SETBP1: variants seen among roughly 807,000 people sequenced by gnomAD.
SETBP1 encodes SET binding protein 1, also known as SET-binding protein.
Under a neutral mutation model 101.0 loss-of-function variants are expected in SETBP1, and 9 were observed. That is an observed-to-expected ratio of 0.09 (90% CI 0.05 to 0.16). SETBP1 has a LOEUF of 0.16. SETBP1 is among the 10% of genes least tolerant of loss of function. The pLI is 1.00. For synonymous variants in SETBP1, 818 were observed against 788.5 expected (o/e 1.04, Z -0.63); for missense variants, 1,858 against 2,033.8 (o/e 0.91, Z 1.66).
intron 3 of SETBP1, among the ~76,000 whole-genome samples, chr18:44,939,047 G>A (rs1352501224): frequency 1.3e-5 from 2 of 151,748 alleles, no homozygotes; most frequent in Non-Finnish European, 2.9e-5. Flanking sequence ...ATTTTTGAAT[G>A]GATTTCTCAT....
chr18:44,752,041 C>T (rs981769992), intron 2 of SETBP1, among the ~76,000 whole-genome samples: 3 of 152,124 alleles, frequency 2.0e-5, no homozygotes, highest in African/African-American at 7.2e-5. Context: ...GGTACCATCT[C>T]CTTTCAACAT....
At chr18:44,686,842 A>G (rs1568089671) in intron 1 of SETBP1, among the ~76,000 whole-genome samples, 1 of 152,202 alleles carries the variant, frequency 6.6e-6, no homozygotes, top group Non-Finnish European at 1.5e-5. Flanking sequence ...TTTAAGAGTT[A>G]AGCATATTTT....
intron 4 of SETBP1, among the ~76,000 whole-genome samples, chr18:45,031,939 T>C (rs2073305200): frequency 6.6e-6 from 1 of 152,214 alleles, no homozygotes; most frequent in Non-Finnish European, 1.5e-5. Context: ...GTATTTGTTT[T>C]TTTACAACTC....
intron 1 of SETBP1, among the ~76,000 whole-genome samples, chr18:44,691,699 T>A (rs984482901): frequency 6.6e-6 from 1 of 152,110 alleles, no homozygotes; most frequent in Middle Eastern, 3.2e-3. Context: ...TGTCTTAGGC[T>A]CAGCCAGCCC....
chr18:45,036,314 C>T (rs1241875322), intron 4 of SETBP1, among the ~76,000 whole-genome samples: 2 of 140,090 alleles, frequency 1.4e-5, no homozygotes, highest in African/African-American at 5.5e-5. Flanking sequence ...GCCTGGGTGA[C>T]AGAGTGAGAC....
intron 4 of SETBP1, among the ~76,000 whole-genome samples, chr18:45,014,702 C>T (rs1421458567): frequency 6.6e-6 from 1 of 152,138 alleles, no homozygotes; most frequent in Admixed American, 6.5e-5. Flanking sequence ...CATTCAAAAT[C>T]TGACCCTACC....
At chr18:44,836,188 C>G (rs570607988) in intron 2 of SETBP1, among the ~76,000 whole-genome samples, 5 of 151,612 alleles carry the variant, frequency 3.3e-5, no homozygotes, top group African/African-American at 4.9e-5. Context: ...TGCCACCAAG[C>G]GAATCAGGAA....
At chr18:44,876,782 C>T (rs1006601196) in intron 3 of SETBP1, 13 of 1,476,880 alleles carry the variant, frequency 8.8e-6, no homozygotes, top group Middle Eastern at 1.8e-4. Context: ...AAGCCCACAC[C>T]TGTGGTCATT....
At chr18:44,707,953 A>G (rs2069258151) in intron 2 of SETBP1, among the ~76,000 whole-genome samples, 1 of 152,182 alleles carries the variant, frequency 6.6e-6, no homozygotes, top group South Asian at 2.1e-4. Flanking sequence ...AGATTGGTCT[A>G]GGGTTCTTCC....
At chr18:44,848,194 C>T (rs1836585889) in intron 2 of SETBP1, among the ~76,000 whole-genome samples, 1 of 152,018 alleles carries the variant, frequency 6.6e-6, no homozygotes, top group South Asian at 2.1e-4. Context: ...GTCAGTGTGG[C>T]TGAAGCCCAG....
At chr18:44,871,729 G>A (rs545770623) in intron 3 of SETBP1, 1 of 152,244 alleles carries the variant, frequency 6.6e-6, no homozygotes, top group South Asian at 2.1e-4. Flanking sequence ...TCTCCCCATG[G>A]TTATTGGTTA....
intron 2 of SETBP1, among the ~76,000 whole-genome samples, chr18:44,822,585 T>C (rs749925687): frequency 2.8e-4 from 42 of 152,342 alleles, no homozygotes; most frequent in Admixed American, 5.9e-4. Flanking sequence ...AGAAGTTAGA[T>C]TGCAACTCTT....
chr18:44,936,651 A>T (rs2070964583), intron 3 of SETBP1, among the ~76,000 whole-genome samples: 2 of 152,204 alleles, frequency 1.3e-5, no homozygotes, highest in Admixed American at 6.5e-5. Flanking sequence ...GTTTGCTCTC[A>T]GTTGCAGTGA....
chr18:44,920,268 C>A (rs966450645), intron 3 of SETBP1, among the ~76,000 whole-genome samples: 1 of 151,964 alleles, frequency 6.6e-6, no homozygotes, highest in Non-Finnish European at 1.5e-5. Context: ...TGTATGAGGG[C>A]GAAATGGATT....
intron 2 of SETBP1, among the ~76,000 whole-genome samples, chr18:44,840,529 A>T (rs781633591): frequency 2.0e-5 from 3 of 152,222 alleles, no homozygotes; most frequent in Non-Finnish European, 4.4e-5. Flanking sequence ...ATTCATCCTT[A>T]TGGTAATGAC....
At chr18:44,859,576 A>C (rs980823658) in intron 2 of SETBP1, among the ~76,000 whole-genome samples, 6 of 152,212 alleles carry the variant, frequency 3.9e-5, no homozygotes, top group African/African-American at 1.4e-4. Flanking sequence ...AGTGTGTTCA[A>C]CTATAAACTG....
At chr18:45,062,813 G>A (rs1237180719) in intron 5 of SETBP1, among the ~76,000 whole-genome samples, 6 of 152,074 alleles carry the variant, frequency 3.9e-5, no homozygotes, top group Admixed American at 6.5e-5. Context: ...TCTTTACAAC[G>A]GAAGCAACAA....
intron 2 of SETBP1, among the ~76,000 whole-genome samples, chr18:44,780,488 C>T (rs1599116733): frequency 6.6e-6 from 1 of 152,160 alleles, no homozygotes; most frequent in Admixed American, 6.5e-5. Context: ...AGGACATGCT[C>T]ATTTGTTCTT....
chr18:45,060,744 GTTTAT>G (rs2145584528), intron 5 of SETBP1, among the ~76,000 whole-genome samples: 1 of 152,146 alleles, frequency 6.6e-6, no homozygotes, highest in East Asian at 1.9e-4. Flanking sequence ...CTAGGTTTCT[GTTTAT>G]TTATTTTGGT....
Sources: allele counts gnomAD v4.1 joint callset (sites outside exome capture counted in the v4.1 genomes callset), GRCh38; gene constraint gnomAD v4.1.1; transcripts MANE v1.5; gene names NCBI Gene and HGNC (gene_info 2026-07-23, HGNC 2026-07-21).